Variants in AKAP13 observed in about 807,000 individuals in gnomAD.
AKAP13 encodes the protein A-kinase anchoring protein 13, also known as A-kinase anchor protein 13.
Under a neutral mutation model 264.5 loss-of-function variants are expected in AKAP13, and 80 were observed. The observed-to-expected ratio is 0.30, with a 90% CI of 0.25 to 0.36. The LOEUF is 0.36. AKAP13 is among the 10% of genes least tolerant of loss of function. The pLI is 1.00. For synonymous variants in AKAP13, 1,380 were observed against 1,250.2 expected (o/e 1.10, Z -2.19); for missense variants, 3,712 against 3,435.2 (o/e 1.08, Z -2.01).
At chr15:85,732,769 T>C (rs12907384) in intron 30 of AKAP13, among the ~76,000 whole-genome samples, 73,402 of 149,346 alleles carry the variant, frequency 0.49, 18,235 homozygotes, top group East Asian at 0.55. Flanking sequence ...CTATTGCTAA[T>C]ACTGTTAGTA....
At chr15:85,658,451 C>T in intron 11 of AKAP13, 86 bp from the exon 12 acceptor site, 2 of 1,156,536 alleles carry the variant, frequency 1.7e-6, no homozygotes, top group African/African-American at 3.0e-5. Context: ...GTGTCTCTCT[C>T]CCCAGTGTGG....
chr15:85,743,528 T>C lies in AKAP13; in HGVS notation c.8095T>C (p.Ser2699Pro). The C allele has an allele frequency of 6.2e-7, 1 of 1,614,196 alleles. No homozygotes were observed. The change falls in exon 36 of 37, where the codon TCG (serine) becomes CCG (proline). Residue 2699 changes from serine (S) to proline (P), a missense_variant. By Grantham distance (74) the Ser-to-Pro change is moderately conservative (BLOSUM62 -1). Around this residue, in one of 3 missense-constraint regions of AKAP13, gnomAD observed 611 missense variants for 539.3 expected, o/e 1.13. Coordinates refer to ENST00000394518, the MANE Select transcript of AKAP13 (RefSeq NM_007200.5). ...HPHTKLMRIP[S>P]FFPSPEEPPS... ...ACATACCAAGCTGATGAGGATCCCA[T>C]CGTTCTTCCCCAGTCCTGAGGAGCC...
chr15:85,573,967 C>T (rs1229435091), intron 5 of AKAP13, among the ~76,000 whole-genome samples: 1 of 152,106 alleles, frequency 6.6e-6, no homozygotes, highest in Non-Finnish European at 1.5e-5. Context: ...CAAAACAGTG[C>T]TTAGATTATA....
chr15:85,606,089 A>AATTTTTTTTT (rs2080310521), intron 8 of AKAP13, among the ~76,000 whole-genome samples: 1 of 57,568 alleles, frequency 1.7e-5, no homozygotes, highest in Non-Finnish European at 3.6e-5. Flanking sequence ...GGTTTGATCT[A>AATTTTTTTTT]CTTTTTTTTT....
At chr15:85,602,991 T>G (rs1429436704) in intron 8 of AKAP13, among the ~76,000 whole-genome samples, 1 of 152,238 alleles carries the variant, frequency 6.6e-6, no homozygotes, top group African/African-American at 2.4e-5. Context: ...GGCAAACTCA[T>G]AGTGACGACT....
chr15:85,698,481 AAG>A (rs2085697574), intron 17 of AKAP13, among the ~76,000 whole-genome samples: 1 of 150,924 alleles, frequency 6.6e-6, no homozygotes, highest in Non-Finnish European at 1.5e-5. Context: ...AAAAAAAAAA[AAG>A]GAGAGAGAGA....
chr15:85,674,169 T>G (rs2084089050), intron 14 of AKAP13, among the ~76,000 whole-genome samples: 2 of 152,210 alleles, frequency 1.3e-5, no homozygotes, highest in South Asian at 4.1e-4. Flanking sequence ...TAATGAGATT[T>G]CATTTTCCCC....
At chr15:85,601,420 A>G (rs1362959524) in intron 8 of AKAP13, among the ~76,000 whole-genome samples, 1 of 152,216 alleles carries the variant, frequency 6.6e-6, no homozygotes, top group African/African-American at 2.4e-5. Flanking sequence ...GTTTAGACCT[A>G]ATCTCACATA....
intron 14 of AKAP13, among the ~76,000 whole-genome samples, chr15:85,671,121 C>G (rs2083902300): frequency 6.6e-6 from 1 of 151,672 alleles, no homozygotes; most frequent in African/African-American, 2.4e-5. Context: ...AACACACTCT[C>G]CTGGTGTTTA....
rs146988469 is a variant in AKAP13 at position 85,543,772 on chromosome 15, A to G, written c.479A>G (p.Asp160Gly). The G allele has an allele frequency of 5.0e-6, 8 of 1,599,998 alleles. No homozygotes were observed. The highest frequency in any genetic ancestry group is 1.3e-5 in the African/African-American group (1 of 74,354). Residue 160 changes from aspartate to glycine, a missense_variant and splice_region_variant, in exon 5 of 37, where the codon GAT (aspartate) becomes GGT (glycine). This residue lies in a region of AKAP13 where 2,759 missense variants were observed against 2,411.7 expected (regional missense o/e 1.14). Transcript: ENST00000394518. ...NVLGTDQSLH[D>G]AGPRETLMHF... The stretch of plus-strand genomic sequence containing the variant: ...CGTTCATTTTCTCCCCCATTTACAG[A>G]TGCTGGCCCGCGAGAGACATTGATG...
At chr15:85,742,806 A>G (rs1437722198) in intron 35 of AKAP13, among the ~76,000 whole-genome samples, 1 of 152,142 alleles carries the variant, frequency 6.6e-6, no homozygotes, top group African/African-American at 2.4e-5. Context: ...ATCTTGGACC[A>G]CGAAAGAAAA....
Position 85,533,772 on chromosome 15 carries a change from C to A in AKAP13, c.370C>A (p.Pro124Thr). 3 of 1,613,978 alleles carry A rather than the reference C, an allele frequency of 1.9e-6. No individual in the cohort carries two copies. Among genetic ancestry groups the A allele is most frequent in the Non-Finnish European group, 1.7e-6 (2 of 1,179,956 alleles). ...NFTRFLDQSGPPSGDVNSLDK... is the reference protein window; with the variant it reads ...NFTRFLDQSGTPSGDVNSLDK... ...TACCCGTTTTCTTGACCAGTCAGGA[C>A]CCCCATCTGGGGATGTGAATTCCCT... The change falls in exon 4 of 37, where the codon CCC becomes ACC. Residue 124 changes from proline to threonine, a missense_variant. This residue lies in a region of AKAP13 where 2,759 missense variants were observed against 2,411.7 expected (regional missense o/e 1.14). Coordinates refer to ENST00000394518, the MANE Select transcript of AKAP13 (RefSeq NM_007200.5).
Position 85,738,048 on chromosome 15 carries a change from CTA to C in AKAP13, c.7557+1917_7557+1918del, listed in dbSNP as rs560169258. ...CAGACATTCCAGTATGGATTAGACA[CTA>C]TAAATGCTTAGCTAGAGTCGGCAGG... On this transcript the variant is annotated intron_variant, in intron 33 of 36. Transcript: ENST00000394518. Among the ~76,000 whole-genome samples the C allele has an allele frequency of 1.1e-3, 165 of 152,296 alleles. 2 individuals carry two copies. The highest frequency in any genetic ancestry group is 3.6e-3 in the African/African-American group (151 of 41,552).
chr15:85,534,697 C>T (rs916606609), intron 4 of AKAP13: 3 of 152,058 alleles, frequency 2.0e-5, no homozygotes, highest in African/African-American at 7.3e-5. Context: ...CTCGGCCTCC[C>T]AAAGTGCTGG....
At position 85,741,206 on chromosome 15, in the gene AKAP13, A is replaced by G. The variant is rs1274629618; in HGVS notation, c.7769A>G (p.Gln2590Arg). Residue 2590 changes from glutamine (Q) to arginine (R), a missense_variant, in exon 35 of 37, where the codon CAG (glutamine) becomes CGG (arginine). Gln to Arg is a conservative substitution (Grantham distance 43). Coordinates refer to ENST00000394518, the MANE Select transcript of AKAP13 (RefSeq NM_007200.5). ...CAGGACCTGGCCAACCTGCAGAAGC[A>G]GCAGGCCCAGTACCTCGAGGAGAAG... ...QRQDLANLQKQQAQYLEEKRR... is the reference protein window; with the variant it reads ...QRQDLANLQKRQAQYLEEKRR... The G allele has an allele frequency of 6.2e-7, 1 of 1,610,534 alleles. No individual in the cohort carries two copies. The highest frequency in any genetic ancestry group is 2.2e-5 in the East Asian group (1 of 44,772).
intron 1 of AKAP13, among the ~76,000 whole-genome samples, chr15:85,456,314 G>T (rs138597467): frequency 6.6e-6 from 1 of 152,182 alleles, no homozygotes; most frequent in South Asian, 2.1e-4. Context: ...TTTGAATTGA[G>T]GATGACTGTT....
chr15:85,619,932 T>A (rs2081100874), intron 8 of AKAP13: 2 of 1,439,256 alleles, frequency 1.4e-6, no homozygotes, highest in Non-Finnish European at 1.8e-6. Flanking sequence ...AATTCATTGT[T>A]TTTGACCCCT....
chr15:85,586,239 G>A (rs769504095), intron 8 of AKAP13, among the ~76,000 whole-genome samples: 3 of 148,418 alleles, frequency 2.0e-5, no homozygotes, highest in African/African-American at 5.0e-5. Context: ...CACCCAGGCT[G>A]GAGTGCAGTG....
chr15:85,626,090 A>G (rs2081397547), intron 8 of AKAP13, among the ~76,000 whole-genome samples: 1 of 152,226 alleles, frequency 6.6e-6, no homozygotes, highest in Non-Finnish European at 1.5e-5. Flanking sequence ...CACACACAGT[A>G]CATATGGAGC....
Sources: allele counts gnomAD v4.1 joint callset (sites outside exome capture counted in the v4.1 genomes callset), GRCh38; gene constraint gnomAD v4.1.1; regional missense constraint gnomAD v4.1.1; transcripts MANE v1.5; gene names NCBI Gene and HGNC (gene_info 2026-07-23, HGNC 2026-07-21).